The following KLC4 variants were observed in gnomAD, a reference collection of about 807,000 sequenced individuals.
The protein encoded by KLC4 is kinesin-like protein 8.
Under a neutral mutation model 77.2 loss-of-function variants are expected in KLC4, and 49 were observed. The observed-to-expected ratio is 0.63, with a 90% CI of 0.50 to 0.80. The LOEUF (loss-of-function observed/expected upper bound fraction) is 0.80, where lower values mean the gene tolerates loss of function less well. Ranked by LOEUF, KLC4 falls within the 30% of genes least tolerant of loss-of-function variation. The pLI is 0.00. For missense variants in KLC4, 669 were observed against 793.5 expected, an observed-to-expected ratio of 0.84 and a Z score of 1.89; for synonymous variants, 274 against 314.5, an observed-to-expected ratio of 0.87 and a Z score of 1.36.
intron 8 of KLC4, 54 bp from the exon 9 acceptor site, chr6:43,071,217 AAAAG>A: frequency 1.9e-6 from 2 of 1,053,734 alleles, no homozygotes; most frequent in Non-Finnish European, 1.4e-6. Context: ...AAAAAAAAAA[AAAAG>A]ACCTTGCCTC....
At chr6:43,073,681 A>G in intron 14 of KLC4, 1 of 580,390 alleles carries the variant, frequency 1.7e-6, no homozygotes, top group Non-Finnish European at 3.0e-6. Context: ...AGATATGGTA[A>G]AGCAGGCAAG....
At chr6:43,063,781 T>G (rs1473589890) in intron 3 of KLC4, among the ~76,000 whole-genome samples, 1 of 152,158 alleles carries the variant, frequency 6.6e-6, no homozygotes, top group African/African-American at 2.4e-5. Flanking sequence ...TTTGAACTCC[T>G]GACCTCAGGT....
At chr6:43,060,000 C>T in intron 1 of KLC4, 2 of 1,382,952 alleles carry the variant, frequency 1.4e-6, no homozygotes, top group Non-Finnish European at 1.9e-6. Flanking sequence ...ACTCTCCCAA[C>T]CCTGGGCACC....
At position 43,071,257 on chromosome 6, in the gene KLC4, T is replaced by G; in HGVS notation, c.1156-18T>G. 1 of 1,543,332 alleles carries G rather than the reference T, an allele frequency of 6.5e-7. No homozygotes were observed. The highest frequency in any genetic ancestry group is 9.0e-7 in the Non-Finnish European group (1 of 1,117,040). On this transcript the variant is annotated intron_variant, in intron 8 of 15. Coordinates refer to ENST00000347162, the MANE Select transcript of KLC4 (RefSeq NM_201521.3). ...CCTCCATGTTTTGTTCCTGTATTTT[T>G]GCCTTTCTGTCCTCCAGGCTTCCTG...
intron 6 of KLC4, among the ~76,000 whole-genome samples, chr6:43,070,011 T>A (rs911445174): frequency 6.6e-6 from 1 of 151,032 alleles, no homozygotes. Context: ...CATTAAAAAA[T>A]TGGCAGAGCT....
At chr6:43,072,302 G>A (rs532913160) in intron 12 of KLC4, 47 bp downstream of exon 12, 2 of 1,420,732 alleles carry the variant, frequency 1.4e-6, no homozygotes, top group Middle Eastern at 1.8e-4. Flanking sequence ...AGGGCCCTGG[G>A]GATGAGAGAG....
chr6:43,074,566 C>A, intron 15 of KLC4, 56 bp from the exon 16 acceptor site: 1 of 1,444,822 alleles, frequency 6.9e-7, no homozygotes, highest in Non-Finnish European at 9.8e-7. Flanking sequence ...ACTCTAGGAG[C>A]CAGTCTTTGG....
Position 43,061,414 on chromosome 6 carries a change from C to G in KLC4, c.79C>G (p.Arg27Gly). 6.2e-7 allele frequency: 1 copy of G among 1,614,122 alleles called. No individual in the cohort carries two copies. ...CCAAGAGGAGATCCTGGGGAGCACA[C>G]GGCTGGTCAGCCAAGGGCTAGAGGC... ...LSQEEILGST[R>G]LVSQGLEALR... Residue 27 changes from arginine (R) to glycine (G), a missense_variant, in exon 2 of 16, where the codon CGG becomes GGG. Coordinates refer to ENST00000347162, the MANE Select transcript of KLC4 (RefSeq NM_201521.3).
At chr6:43,070,619 C>T in intron 7 of KLC4, 73 bp from the exon 8 acceptor site, 2 of 1,501,042 alleles carry the variant, frequency 1.3e-6, no homozygotes, top group Non-Finnish European at 1.8e-6. Flanking sequence ...TGTGTGCCTA[C>T]ATGCAAACAC....
intron 7 of KLC4, 83 bp downstream of exon 7, chr6:43,070,538 C>CT (rs905112649): frequency 9.9e-4 from 1,331 of 1,349,228 alleles, no homozygotes; most frequent in Non-Finnish European, 1.2e-3. Flanking sequence ...TCCTCCTTCA[C>CT]TTTTTTTTTC....
Position 43,063,067 on chromosome 6 carries a change from G to T in KLC4, c.409G>T (p.Val137Leu). Residue 137 changes from valine to leucine, a missense_variant, in exon 3 of 16, where the codon GTG becomes TTG. Val to Leu is a conservative substitution (Grantham distance 32). Transcript: ENST00000347162. ...QQRLQRSEQA[V>L]AQLEEEKKHL... ...GCGGCTACAGCGCAGTGAACAGGCTGTGGCTCAGCTGGAGGAGGAAAAGAA... is the reference window on the plus strand; with the variant it reads ...GCGGCTACAGCGCAGTGAACAGGCTTTGGCTCAGCTGGAGGAGGAAAAGAA... 6.2e-7 allele frequency: 1 copy of T among 1,614,274 alleles called. No homozygotes were observed. The highest frequency in any genetic ancestry group is 8.5e-7 in the Non-Finnish European group (1 of 1,180,054).
At chr6:43,071,467 G>A (rs1002371743) in intron 9 of KLC4, 93 bp downstream of exon 9, 3 of 1,541,094 alleles carry the variant, frequency 1.9e-6, no homozygotes, top group South Asian at 1.1e-5. Flanking sequence ...CCCAGGGGGA[G>A]CCAGACCCCT....
chr6:43,059,963 C>T, intron 1 of KLC4: 1 of 1,340,738 alleles, frequency 7.5e-7, no homozygotes, highest in Non-Finnish European at 9.6e-7. Context: ...CCATCCACAC[C>T]TCCCCCCTGC....
chr6:43,063,877 C>T (rs904933129), intron 3 of KLC4, among the ~76,000 whole-genome samples: 4 of 151,736 alleles, frequency 2.6e-5, no homozygotes, highest in Admixed American at 2.6e-4. Flanking sequence ...ATTTAACCCT[C>T]GCTCAACAGA....
chr6:43,072,370 G>T, intron 12 of KLC4, 115 bp downstream of exon 12: 1 of 764,710 alleles, frequency 1.3e-6, no homozygotes, highest in Non-Finnish European at 2.2e-6. Flanking sequence ...GAAGCCAGGA[G>T]GGAGAGGAAA....
chr6:43,064,665 C>T (rs1333435625), intron 3 of KLC4, among the ~76,000 whole-genome samples: 1 of 152,184 alleles, frequency 6.6e-6, no homozygotes, highest in African/African-American at 2.4e-5. Context: ...GCTTTTTAGA[C>T]TGGAGTGCAG....
At chr6:43,061,174 C>T (rs1277006876) in intron 1 of KLC4, 137 bp from the exon 2 acceptor site, 2 of 870,470 alleles carry the variant, frequency 2.3e-6, no homozygotes, top group Non-Finnish European at 3.6e-6. Flanking sequence ...GCCTGCTGGT[C>T]ACTCTCTCTC....
chr6:43,071,462 G>T, intron 9 of KLC4, 88 bp downstream of exon 9: 3 of 1,539,012 alleles, frequency 1.9e-6, no homozygotes, highest in Admixed American at 1.7e-5. Context: ...CGGTTCCCAG[G>T]GGGAGCCAGA....
intron 3 of KLC4, among the ~76,000 whole-genome samples, chr6:43,063,878 G>C (rs780481425): frequency 2.6e-5 from 4 of 151,458 alleles, no homozygotes; most frequent in Non-Finnish European, 5.9e-5. Flanking sequence ...TTTAACCCTC[G>C]CTCAACAGAA....
Sources: allele counts gnomAD v4.1 joint callset (sites outside exome capture counted in the v4.1 genomes callset), GRCh38; gene constraint gnomAD v4.1.1; transcripts MANE v1.5; gene names NCBI Gene and HGNC (gene_info 2026-07-23, HGNC 2026-07-21).